The following AMBN variants were observed in gnomAD, a reference collection of about 807,000 sequenced individuals.
AMBN encodes the protein ameloblastin.
In AMBN, 54 loss-of-function variants were observed where a neutral mutation model predicts 48.0. The observed-to-expected ratio is 1.12, with a 90% CI of 0.90 to 1.41. The LOEUF is 1.41. Ranked by LOEUF, AMBN falls within the 40% of genes most tolerant of loss-of-function variation. AMBN has a pLI of 0.00. For missense variants in AMBN, 571 were observed against 547.3 expected (o/e 1.04, Z -0.43); for synonymous variants, 186 against 190.0 (o/e 0.98, Z 0.17).
chr4:70,606,837 T>A lies in AMBN; in HGVS notation c.*107T>A. On this transcript the variant is annotated 3_prime_UTR_variant, in exon 13 of 13. Coordinates refer to ENST00000322937, the MANE Select transcript of AMBN (RefSeq NM_016519.6). The stretch of plus-strand genomic sequence containing the variant: ...TATTACCCTTCTGCAGCAAAGGCAT[T>A]AAAAGCGCTAAGCATATATTAATAA... The A allele has an allele frequency of 8.1e-7, 1 of 1,237,736 alleles. No homozygotes were observed. Among genetic ancestry groups the A allele is most frequent in the Non-Finnish European group, 1.1e-6 (1 of 899,504 alleles). 76.7% of individuals were successfully genotyped at this position (1,237,736 alleles called of 1,614,324 possible). A position where few individuals can be genotyped will look rare whatever the true frequency, so the allele number is the denominator to read the frequency against.
At chr4:70,597,853 C>T (rs1327142314) in intron 3 of AMBN, among the ~76,000 whole-genome samples, 1 of 152,058 alleles carries the variant, frequency 6.6e-6, no homozygotes, top group African/African-American at 2.4e-5. Flanking sequence ...GTAGCATTCT[C>T]GATAATCTAT....
chr4:70,606,785 C>T lies in AMBN; in HGVS notation c.*55C>T, dbSNP rs572621110. On this transcript the variant is annotated 3_prime_UTR_variant, in exon 13 of 13. Transcript: ENST00000322937. ...TGCACAAGCTTCCCAGCTTTGTCCCCACAGTGTACCTTTTTGCTAAAACAC... is the reference window on the plus strand; with the variant it reads ...TGCACAAGCTTCCCAGCTTTGTCCCTACAGTGTACCTTTTTGCTAAAACAC... 38 of 1,538,386 alleles carry T rather than the reference C, an allele frequency of 2.5e-5. No individual in the cohort carries two copies. The African/African-American group carries it at 3.6e-4, about 15-fold the overall frequency.
chr4:70,601,838 CT>C (rs1194009257), intron 6 of AMBN, 184 bp downstream of exon 6: 6 of 715,094 alleles, frequency 8.4e-6, no homozygotes, highest in Non-Finnish European at 1.5e-5. Context: ...CCATTCCTAT[CT>C]TTTGCCATCA....
At chr4:70,595,156 T>C (rs1270738236) in intron 2 of AMBN, among the ~76,000 whole-genome samples, 1 of 151,860 alleles carries the variant, frequency 6.6e-6, no homozygotes, top group Non-Finnish European at 1.5e-5. Flanking sequence ...ACCCAGAGTA[T>C]TTGCTACACA....
chr4:70,593,242 C>A, intron 1 of AMBN, 85 bp from the exon 2 acceptor site: 1 of 1,117,166 alleles, frequency 9.0e-7, no homozygotes, highest in Non-Finnish European at 1.3e-6. Context: ...AGAGCAGAGA[C>A]TCAGGCTCAT....
At chr4:70,601,713 G>A (rs566238707) in intron 6 of AMBN, 59 bp downstream of exon 6, 33 of 1,490,292 alleles carry the variant, frequency 2.2e-5, no homozygotes, top group Admixed American at 1.3e-4. Flanking sequence ...AGAAGAAAAC[G>A]AATTTGCAGG....
rs781370051 is a variant in AMBN at position 70,602,929 on chromosome 4, T to C, written c.610-43T>C. The C allele has an allele frequency of 5.8e-6, 9 of 1,552,184 alleles. No individual in the cohort carries two copies. In the Admixed American group the frequency reaches 1.6e-4, roughly 27 times the overall value. On this transcript the variant is annotated intron_variant, in intron 8 of 12. Transcript: ENST00000322937. ...CTTTTATTTGCATTTATCTATTTTG[T>C]TCCTTTTTTGACTGATAATTTTAAT...
intron 10 of AMBN, 31 bp from the exon 11 acceptor site, chr4:70,603,385 C>A (rs1737570564): frequency 1.9e-6 from 3 of 1,613,108 alleles, no homozygotes; most frequent in East Asian, 2.2e-5. Flanking sequence ...TTGGAAAATG[C>A]ATTTTGTGAT....
At chr4:70,593,645 A>G (rs1214579791) in intron 2 of AMBN, among the ~76,000 whole-genome samples, 2 of 152,082 alleles carry the variant, frequency 1.3e-5, no homozygotes, top group Non-Finnish European at 2.9e-5. Context: ...CAGGAGGATG[A>G]CCTGAGGTGA....
intron 2 of AMBN, among the ~76,000 whole-genome samples, chr4:70,596,358 A>C (rs1458819124): frequency 6.6e-6 from 1 of 152,100 alleles, no homozygotes; most frequent in African/African-American, 2.4e-5. Context: ...AACAACTTTT[A>C]AGTGAACACA....
intron 12 of AMBN, among the ~76,000 whole-genome samples, chr4:70,604,896 G>C (rs908672795): frequency 6.6e-6 from 1 of 151,978 alleles, no homozygotes; most frequent in African/African-American, 2.4e-5. Context: ...AGGAGGCTGA[G>C]GCAGGAGAAT....
chr4:70,599,739 A>G, intron 5 of AMBN, 93 bp downstream of exon 5: 1 of 859,172 alleles, frequency 1.2e-6, no homozygotes. Context: ...GAAACAGCCA[A>G]GTCCTAGCAT....
At chr4:70,605,937 G>C (rs1202649346) in intron 12 of AMBN, among the ~76,000 whole-genome samples, 1 of 152,092 alleles carries the variant, frequency 6.6e-6, no homozygotes, top group African/African-American at 2.4e-5. Context: ...CTCAAGTCTT[G>C]CTTCTGCCCT....
At chr4:70,597,360 C>G (rs902590352) in intron 3 of AMBN, among the ~76,000 whole-genome samples, 3 of 148,472 alleles carry the variant, frequency 2.0e-5, no homozygotes, top group Non-Finnish European at 4.6e-5. Context: ...TTGCTCCATA[C>G]TCACAAATAG....
At chr4:70,593,789 T>G (rs1045324048) in intron 2 of AMBN, among the ~76,000 whole-genome samples, 1 of 151,038 alleles carries the variant, frequency 6.6e-6, no homozygotes, top group Non-Finnish European at 1.5e-5. Flanking sequence ...TGCTTGAACC[T>G]GGGAGGCGGA....
rs1172411852 is a variant in AMBN at position 70,607,104 on chromosome 4, C to G, written c.*374C>G. Reference sequence around the variant, plus strand: ...CACTGCTTTTTTCTCTAAGCAAAGGCAAATATCCTCATAATTCTAAGCTAA... The same window carrying G: ...CACTGCTTTTTTCTCTAAGCAAAGGGAAATATCCTCATAATTCTAAGCTAA... On this transcript the variant is annotated 3_prime_UTR_variant, in exon 13 of 13. Transcript: ENST00000322937. The G allele has an allele frequency of 5.9e-6, 1 of 168,810 alleles. No individual in the cohort carries two copies. Among genetic ancestry groups the G allele is most frequent in the East Asian group, 1.7e-4 (1 of 6,026 alleles). 10.5% of individuals were successfully genotyped at this position (168,810 alleles called of 1,614,324 possible). A position where few individuals can be genotyped will look rare whatever the true frequency, so the allele number is the denominator to read the frequency against.
chr4:70,593,299 T>C (rs766865064), intron 1 of AMBN, 28 bp from the exon 2 acceptor site: 11 of 1,557,602 alleles, frequency 7.1e-6, no homozygotes, highest in Non-Finnish European at 9.7e-6. Context: ...TTCATCTGAT[T>C]TAATTCTCCA....
Position 70,602,791 on chromosome 4 carries a change from A to C in AMBN, c.571-7A>C, listed in dbSNP as rs1208495235. 3 of 1,575,764 alleles carry C rather than the reference A, an allele frequency of 1.9e-6. No homozygotes were observed. Reference sequence around the variant, plus strand: ...ACTGATAATTTTAATATTTATCTACAATATAGCTCCCAGGAATGGATTTTC... The same window carrying C: ...ACTGATAATTTTAATATTTATCTACCATATAGCTCCCAGGAATGGATTTTC... On this transcript the variant is annotated splice_polypyrimidine_tract_variant and splice_region_variant and intron_variant, in intron 7 of 12. Coordinates refer to ENST00000322937, the MANE Select transcript of AMBN (RefSeq NM_016519.6).
In AMBN at chr4:70,603,324, G is replaced by T; in HGVS notation, c.708+5G>T. 6.2e-7 allele frequency: 1 copy of T among 1,612,808 alleles called. No homozygotes were observed. The highest frequency in any genetic ancestry group is 1.1e-5 in the South Asian group (1 of 90,942). ...CCACAAAATAAACAATCTCCAGTAA[G>T]TTTTTTTTAATACCACATCTCTGTT... On this transcript the variant is annotated splice_donor_5th_base_variant and intron_variant, in intron 10 of 12. Coordinates refer to ENST00000322937, the MANE Select transcript of AMBN (RefSeq NM_016519.6).
Sources: gnomAD v4.1 joint callset for allele counts (sites outside exome capture counted in the v4.1 genomes callset) on GRCh38, gnomAD v4.1.1 for gene constraint, MANE v1.5 for transcripts, NCBI Gene and HGNC (gene_info 2026-07-23, HGNC 2026-07-21) for gene names.